Variants in SPHKAP observed in about 807,000 individuals in gnomAD.
SPHKAP encodes SPHK1 interactor, AKAP domain containing, also known as A-kinase anchor protein SPHKAP.
SPHKAP carries 67 observed loss-of-function variants against 137.5 expected under a neutral mutation model. The ratio of observed to expected loss-of-function variants is 0.49; its 90% CI spans 0.40 to 0.60. The LOEUF (loss-of-function observed/expected upper bound fraction) is 0.60, where lower values mean the gene tolerates loss of function less well. SPHKAP is among the 20% of genes least tolerant of loss of function. The pLI, the probability that SPHKAP is intolerant of heterozygous loss-of-function variation, is 0.00. For synonymous variants in SPHKAP, 813 were observed against 785.3 expected, an observed-to-expected ratio of 1.04 and a Z score of -0.59; for missense variants, 2,097 against 2,069.3, an observed-to-expected ratio of 1.01 and a Z score of -0.26.
At position 228,019,038 on chromosome 2, in the gene SPHKAP, C is replaced by T. The variant is rs1694729494; in HGVS notation, c.1816G>A (p.Ala606Thr). The change falls in exon 7 of 12, where the codon GCA becomes ACA. Residue 606 changes from alanine to threonine, a missense_variant. Transcript: ENST00000392056. ...GCTTCCTTGCCAAGCTCCATGCTTG[C>T]TAAACCACAAAGTGGGGGCATGGCT... is the stretch of plus-strand genomic sequence containing the variant. ...SEAMPPLCGL[A>T]SMELGKEAIA... 1.9e-6 allele frequency: 3 copies of T among 1,613,988 alleles called. No homozygotes were observed. Among genetic ancestry groups the T allele is most frequent in the Non-Finnish European group, 1.7e-6 (2 of 1,179,990 alleles).
chr2:228,011,921 T>A (rs1694388329), intron 7 of SPHKAP, among the ~76,000 whole-genome samples: 1 of 152,096 alleles, frequency 6.6e-6, no homozygotes, highest in African/African-American at 2.4e-5. Context: ...CTACCAGCAC[T>A]TTGGGAGGCT....
At chr2:228,005,251 A>G (rs1055661126) in intron 7 of SPHKAP, among the ~76,000 whole-genome samples, 2 of 152,186 alleles carry the variant, frequency 1.3e-5, no homozygotes, top group Non-Finnish European at 2.9e-5. Flanking sequence ...TATTGGTTGC[A>G]TATATATTTA....
At chr2:228,126,162 G>T (rs1699071733) in intron 2 of SPHKAP, among the ~76,000 whole-genome samples, 1 of 152,046 alleles carries the variant, frequency 6.6e-6, no homozygotes, top group South Asian at 2.1e-4. Context: ...GATTCTAGGG[G>T]GAGAACTTTA....
Position 228,017,651 on chromosome 2 carries a change from C to A in SPHKAP, c.3203G>T (p.Arg1068Leu), listed in dbSNP as rs764722977. The change falls in exon 7 of 12, where the codon CGG (arginine) becomes CTG (leucine). Residue 1068 changes from arginine (R) to leucine (L), a missense_variant. Physicochemically the swap from Arg to Leu is moderately radical, Grantham distance 102 (BLOSUM62 -2). Transcript: ENST00000392056. ...GCTCCACCTGTCGCCACTCAGTAAC[C>A]GATTCCGGGGATAGCCCTGCGCCTG... ...MWQAQGYPRN[R>L]LLSGDRWSRL... The A allele has an allele frequency of 6.2e-7, 1 of 1,614,004 alleles. No individual in the cohort carries two copies. The highest frequency in any genetic ancestry group is 1.1e-5 in the South Asian group (1 of 91,074).
At chr2:228,144,354 TTTTGGTTTTCCACGA>T (rs1699707586) in intron 1 of SPHKAP, among the ~76,000 whole-genome samples, 2 of 152,336 alleles carry the variant, frequency 1.3e-5, no homozygotes, top group South Asian at 4.1e-4. Context: ...CACTTATCTT[TTTTGGTTTTCCACGA>T]TGTAGTTCCA....
At chr2:228,113,384 G>C (rs2106353211) in intron 2 of SPHKAP, among the ~76,000 whole-genome samples, 1 of 152,172 alleles carries the variant, frequency 6.6e-6, no homozygotes, top group South Asian at 2.1e-4. Context: ...TTAAAACAGT[G>C]CCTGGTGCAT....
intron 1 of SPHKAP, among the ~76,000 whole-genome samples, chr2:228,157,396 G>A (rs940927882): frequency 1.3e-5 from 2 of 152,112 alleles, no homozygotes; most frequent in Non-Finnish European, 2.9e-5. Flanking sequence ...TGTTTCCAGA[G>A]AGCTGTATAT....
At chr2:228,015,279 C>T (rs1574747629) in intron 7 of SPHKAP, among the ~76,000 whole-genome samples, 1 of 151,822 alleles carries the variant, frequency 6.6e-6, no homozygotes, top group African/African-American at 2.4e-5. Context: ...GCATAGTATT[C>T]CATGGTGTAT....
chr2:228,053,876 G>T (rs1696346566), intron 3 of SPHKAP, among the ~76,000 whole-genome samples: 1 of 151,952 alleles, frequency 6.6e-6, no homozygotes, highest in African/African-American at 2.4e-5. Flanking sequence ...GTCCTTTGTG[G>T]TTTTATACAT....
chr2:228,109,289 G>T, intron 2 of SPHKAP: 2 of 807,994 alleles, frequency 2.5e-6, no homozygotes, highest in South Asian at 5.6e-5. Flanking sequence ...TTTAGTGCTA[G>T]TGTTCTTTCA....
At chr2:227,982,100 G>A in intron 11 of SPHKAP, 2 of 983,222 alleles carry the variant, frequency 2.0e-6, no homozygotes, top group African/African-American at 3.5e-5. Flanking sequence ...TGACTGCAGA[G>A]GATTAGGTGG....
At chr2:228,031,794 C>T (rs566021947) in intron 3 of SPHKAP, among the ~76,000 whole-genome samples, 5 of 152,350 alleles carry the variant, frequency 3.3e-5, no homozygotes, top group Non-Finnish European at 7.3e-5. Flanking sequence ...GGACCTCTAG[C>T]AAACTCCAAC....
Position 228,019,958 on chromosome 2 carries a change from A to G in SPHKAP, c.896T>C (p.Leu299Pro). The change falls in exon 7 of 12, where the codon CTA (leucine) becomes CCA (proline). Residue 299 changes from leucine to proline, a missense_variant. Physicochemically the swap from Leu to Pro is moderately conservative, Grantham distance 98. Transcript: ENST00000392056. ...CTGTGATGGCTTGGCTGAGGGATCT[A>G]GACTCTGCAAGGCTGTGTTCTTTGT... The part of the protein sequence containing the change: ...NLTKNTALQS[L>P]DPSAKPSQWK... 1.9e-6 allele frequency: 3 copies of G among 1,614,214 alleles called. No individual in the cohort carries two copies. The highest frequency in any genetic ancestry group is 2.5e-6 in the Non-Finnish European group (3 of 1,180,034).
chr2:228,010,062 C>T (rs1253066521), intron 7 of SPHKAP, among the ~76,000 whole-genome samples: 1 of 152,112 alleles, frequency 6.6e-6, no homozygotes, highest in African/African-American at 2.4e-5. Context: ...CCTCATTGTG[C>T]CCACTGAACT....
At chr2:227,995,290 T>A (rs1327736380) in intron 8 of SPHKAP, among the ~76,000 whole-genome samples, 2 of 152,220 alleles carry the variant, frequency 1.3e-5, no homozygotes, top group African/African-American at 4.8e-5. Flanking sequence ...CACAGCTCAT[T>A]CTTAATCACG....
intron 3 of SPHKAP, among the ~76,000 whole-genome samples, chr2:228,058,199 T>G (rs1324226371): frequency 6.6e-6 from 1 of 152,218 alleles, no homozygotes; most frequent in Non-Finnish European, 1.5e-5. Flanking sequence ...TAGCCCATTC[T>G]GCATCCTGCA....
At chr2:228,036,791 C>G (rs1045339099) in intron 3 of SPHKAP, among the ~76,000 whole-genome samples, 3 of 151,912 alleles carry the variant, frequency 2.0e-5, no homozygotes, top group African/African-American at 7.3e-5. Context: ...GGACAAAAAA[C>G]CAGACACTGC....
intron 4 of SPHKAP, 25 bp downstream of exon 4, chr2:228,027,459 G>A (rs376150540): frequency 2.0e-5 from 32 of 1,612,212 alleles, no homozygotes; most frequent in African/African-American, 5.3e-5. Flanking sequence ...ATGACCTCCC[G>A]GTCAGCTTGA....
At chr2:228,041,646 C>CAAAAAAAA (rs58570907) in intron 3 of SPHKAP, among the ~76,000 whole-genome samples, 3 of 95,914 alleles carry the variant, frequency 3.1e-5, no homozygotes, top group Non-Finnish European at 4.1e-5. Flanking sequence ...GACTCTGTCT[C>CAAAAAAAA]AAAAAAAAAA....
Sources: allele counts gnomAD v4.1 joint callset (sites outside exome capture counted in the v4.1 genomes callset), GRCh38; gene constraint gnomAD v4.1.1; transcripts MANE v1.5; gene names NCBI Gene and HGNC (gene_info 2026-07-23, HGNC 2026-07-21).